PRKDC: variants seen among roughly 807,000 people sequenced by gnomAD.
PRKDC encodes protein kinase, DNA-activated, catalytic subunit.
Under a neutral mutation model 486.9 loss-of-function variants are expected in PRKDC, and 82 were observed. The ratio of observed to expected loss-of-function variants is 0.17; its 90% CI spans 0.14 to 0.20. The LOEUF (loss-of-function observed/expected upper bound fraction) is 0.20, where lower values mean the gene tolerates loss of function less well. Ranked by LOEUF, PRKDC falls within the 10% of genes least tolerant of loss-of-function variation. PRKDC has a pLI of 1.00. For synonymous variants in PRKDC, 1,895 were observed against 1,837.0 expected (o/e 1.03, Z -0.81); for missense variants, 4,504 against 5,038.2 (o/e 0.89, Z 3.21).
At chr8:47,821,860 A>G (rs1016261871) in intron 64 of PRKDC, 68 bp from the exon 65 acceptor site, 1 of 1,310,998 alleles carries the variant, frequency 7.6e-7, no homozygotes. Flanking sequence ...ACACGTAAAA[A>G]GGAGGAATGT....
intron 48 of PRKDC, among the ~76,000 whole-genome samples, chr8:47,857,628 C>A (rs1447920627): frequency 1.3e-5 from 2 of 152,086 alleles, no homozygotes; most frequent in African/African-American, 4.8e-5. Context: ...TCATAGCTCT[C>A]GAAGGAACCA....
intron 61 of PRKDC, 88 bp downstream of exon 61, chr8:47,830,517 C>A: frequency 6.5e-7 from 1 of 1,532,514 alleles, no homozygotes; most frequent in East Asian, 2.3e-5. Flanking sequence ...TGCAGGACAG[C>A]CTCAGCCATG....
At chr8:47,859,590 T>C in intron 46 of PRKDC, 21 bp downstream of exon 46, 2 of 1,606,902 alleles carry the variant, frequency 1.2e-6, no homozygotes, top group Non-Finnish European at 1.7e-6. Context: ...AATATTCTTT[T>C]AGTATGTGAA....
intron 16 of PRKDC, among the ~76,000 whole-genome samples, chr8:47,931,364 G>T (rs910787661): frequency 6.6e-6 from 1 of 152,114 alleles, no homozygotes; most frequent in Non-Finnish European, 1.5e-5. Flanking sequence ...GGTGGTCATT[G>T]ATCTGTTGGA....
chr8:47,811,555 T>C (rs1020657706), intron 68 of PRKDC, among the ~76,000 whole-genome samples: 18 of 152,246 alleles, frequency 1.2e-4, no homozygotes, highest in African/African-American at 4.1e-4. Context: ...ATATGTTCTT[T>C]AGAATATGTA....
intron 68 of PRKDC, among the ~76,000 whole-genome samples, chr8:47,809,033 A>C (rs1012518980): frequency 1.3e-5 from 2 of 151,298 alleles, no homozygotes; most frequent in Non-Finnish European, 2.9e-5. Flanking sequence ...GTGGAAGGAA[A>C]GAAAGAAAGG....
chr8:47,852,635 G>T, intron 52 of PRKDC, 38 bp downstream of exon 52: 1 of 1,282,144 alleles, frequency 7.8e-7, no homozygotes, highest in Non-Finnish European at 1.1e-6. Flanking sequence ...TCAAAACAGA[G>T]TAAGAGGTAT....
intron 80 of PRKDC, among the ~76,000 whole-genome samples, chr8:47,780,219 C>CCACA (rs1395191905): frequency 6.6e-6 from 1 of 152,104 alleles, no homozygotes; most frequent in East Asian, 1.9e-4. Context: ...CCAGCCAGTG[C>CCACA]CACATCTTTC....
At chr8:47,895,495 C>G (rs537612059) in intron 30 of PRKDC, among the ~76,000 whole-genome samples, 66 of 152,278 alleles carry the variant, frequency 4.3e-4, no homozygotes, top group Non-Finnish European at 7.8e-4. Context: ...ATCAGTACAG[C>G]TGAGGTCACA....
intron 58 of PRKDC, among the ~76,000 whole-genome samples, chr8:47,835,272 T>G (rs1401821151): frequency 1.3e-5 from 2 of 152,198 alleles, no homozygotes; most frequent in Non-Finnish European, 2.9e-5. Flanking sequence ...TTTGCTACAC[T>G]ATGTTTTTCT....
intron 28 of PRKDC, 77 bp from the exon 29 acceptor site, chr8:47,898,646 G>T: frequency 2.2e-6 from 2 of 914,620 alleles, no homozygotes; most frequent in Non-Finnish European, 2.9e-6. Context: ...TTATAAATGT[G>T]TTGGCCTAAT....
chr8:47,929,860 T>G lies in PRKDC; in HGVS notation c.2045A>C (p.Tyr682Ser). ...CCTGCAAGAAAGACTCACCTCGAAATATTTTATTTTCTTGGCATTTCTTAC... is the reference window on the plus strand; with the variant it reads ...CCTGCAAGAAAGACTCACCTCGAAAGATTTTATTTTCTTGGCATTTCTTAC... ...ITVRNAKKIK[Y>S]FEGVSPKSLK... Residue 682 changes from tyrosine (Y) to serine (S), a missense_variant, in exon 18 of 86, where the codon TAT becomes TCT. Around this residue, in one of 6 missense-constraint regions of PRKDC, gnomAD observed 1,969 missense variants for 2,068.9 expected, o/e 0.95. Coordinates refer to ENST00000314191, the MANE Select transcript of PRKDC (RefSeq NM_006904.7). 6.3e-7 allele frequency: 1 copy of G among 1,596,938 alleles called. No homozygotes were observed. The highest frequency in any genetic ancestry group is 8.5e-7 in the Non-Finnish European group (1 of 1,175,956).
Position 47,784,037 on chromosome 8 carries a change from T to C in PRKDC, c.11108-228A>G, listed in dbSNP as rs141154042. On this transcript the variant is annotated intron_variant, in intron 77 of 85. Transcript: ENST00000314191. ...ACTTTGGGAGGCCAAGGCGAGCAGA[T>C]CATGAGGTCAGGAGACAGAGACCAT... is the stretch of plus-strand genomic sequence containing the variant. 0.1 allele frequency: 50,380 copies of C among 494,004 alleles called. 4,405 individuals carry two copies. The highest frequency in any genetic ancestry group is 0.27 in the African/African-American group (14,083 of 51,440). 30.6% of individuals were successfully genotyped at this position (494,004 alleles called of 1,614,324 possible).
intron 21 of PRKDC, 40 bp downstream of exon 21, chr8:47,927,154 T>A (rs1438575163): frequency 8.8e-6 from 14 of 1,586,182 alleles, no homozygotes; most frequent in Non-Finnish European, 1.2e-5. Flanking sequence ...TCCATTTCCA[T>A]TTTAATTACA....
chr8:47,897,331 C>T (rs772793983), intron 29 of PRKDC, 37 bp from the exon 30 acceptor site: 3 of 1,499,174 alleles, frequency 2.0e-6, no homozygotes, highest in Non-Finnish European at 2.7e-6. Context: ...AGTCCCTCTC[C>T]AACATGCAAC....
chr8:47,828,712 G>A (rs1441335568), intron 61 of PRKDC, among the ~76,000 whole-genome samples: 1 of 152,216 alleles, frequency 6.6e-6, no homozygotes, highest in African/African-American at 2.4e-5. Context: ...CAGATAAAGT[G>A]CAGCCAGTGC....
intron 25 of PRKDC, among the ~76,000 whole-genome samples, chr8:47,908,409 C>T (rs1208381760): frequency 1.3e-5 from 2 of 152,006 alleles, no homozygotes; most frequent in Non-Finnish European, 2.9e-5. Context: ...TGGTTTTGTG[C>T]CATTCAGTAG....
intron 59 of PRKDC, 46 bp from the exon 60 acceptor site, chr8:47,831,972 T>G: frequency 1.3e-6 from 2 of 1,533,256 alleles, no homozygotes; most frequent in Non-Finnish European, 1.8e-6. Flanking sequence ...GCCCAGACAC[T>G]TGGCTCTGCT....
At chr8:47,869,392 C>G (rs1470049465) in intron 40 of PRKDC, among the ~76,000 whole-genome samples, 5 of 151,682 alleles carry the variant, frequency 3.3e-5, no homozygotes, top group African/African-American at 1.2e-4. Flanking sequence ...GTCCTGGCTC[C>G]CAGACGACAT....
Sources: allele counts gnomAD v4.1 joint callset (sites outside exome capture counted in the v4.1 genomes callset), GRCh38; gene constraint gnomAD v4.1.1; regional missense constraint gnomAD v4.1.1; transcripts MANE v1.5; gene names NCBI Gene and HGNC (gene_info 2026-07-23, HGNC 2026-07-21).